SLC39A1: variants seen among roughly 807,000 people sequenced by gnomAD.
The protein encoded by SLC39A1 is solute carrier family 39 member 1, also known as zinc transporter ZIP1.
Under a neutral mutation model 21.4 loss-of-function variants are expected in SLC39A1, and 17 were observed. The ratio of observed to expected loss-of-function variants is 0.79; its 90% CI spans 0.54 to 1.19. SLC39A1 has a LOEUF of 1.19. Ranked by LOEUF, SLC39A1 falls within the 50% of genes most tolerant of loss-of-function variation. SLC39A1 has a pLI of 0.00. For synonymous variants in SLC39A1, 183 were observed against 185.9 expected (o/e 0.98, Z 0.13); for missense variants, 343 against 399.8 (o/e 0.86, Z 1.21).
Position 153,960,656 on chromosome 1 carries a change from C to A in SLC39A1, c.417G>T (p.Pro139=). 6.2e-7 allele frequency: 1 copy of A among 1,614,166 alleles called. No homozygotes were observed. Among genetic ancestry groups the A allele is most frequent in the Admixed American group, 1.7e-5 (1 of 60,034 alleles). The part of the protein sequence containing the change: ...ITLAYKEQSG[P]SPLEETRALL... The stretch of plus-strand genomic sequence containing the variant: ...GAGCCCTTGTTTCCTCCAGAGGTGA[C>A]GGCCCTGACTGCTCCTTGTAAGCCA... Residue 139 remains proline, a synonymous_variant, in exon 4 of 4, where the codon CCG becomes CCT. Coordinates refer to ENST00000356205, the MANE Select transcript of SLC39A1 (RefSeq NM_001271958.2).
At chr1:153,962,463 C>T in intron 2 of SLC39A1, 66 bp downstream of exon 2, 1 of 1,578,714 alleles carries the variant, frequency 6.3e-7, no homozygotes, top group Non-Finnish European at 8.6e-7. Flanking sequence ...TGGTCACTCC[C>T]CGCCAGCCCC....
chr1:153,962,190 C>T (rs765829745), intron 3 of SLC39A1, 30 bp downstream of exon 3: 17 of 1,606,748 alleles, frequency 1.1e-5, no homozygotes, highest in South Asian at 8.8e-5. Context: ...ATTCCCCTCC[C>T]GCAAGTCACA....
In SLC39A1 at chr1:153,960,168, C is replaced by T; in HGVS notation, c.905G>A (p.Arg302Lys). Residue 302 changes from arginine (R) to lysine (K), a missense_variant, in exon 4 of 4, where the codon AGG (arginine) becomes AAG (lysine). Physicochemically the swap from Arg to Lys is conservative, Grantham distance 26 (BLOSUM62 2). Transcript: ENST00000356205. ...LPQELASSEQ[R>K]ILKVILLLAG... ...TAGGAGCAGAATGACCTTGAGGATC[C>T]TTTGCTCAGAACTGGCCAGCTCCTG... The T allele has an allele frequency of 6.2e-7, 1 of 1,614,226 alleles. No homozygotes were observed. Among genetic ancestry groups the T allele is most frequent in the Non-Finnish European group, 8.5e-7 (1 of 1,180,040 alleles).
chr1:153,962,678 C>A lies in SLC39A1; in HGVS notation c.38G>T (p.Arg13Leu). 6.2e-7 allele frequency: 1 copy of A among 1,608,750 alleles called. No homozygotes were observed. Among genetic ancestry groups the A allele is most frequent in the Non-Finnish European group, 8.5e-7 (1 of 1,177,770 alleles). Residue 13 changes from arginine (R) to leucine (L), a missense_variant, in exon 2 of 4, where the codon CGC becomes CTC. Coordinates refer to ENST00000356205, the MANE Select transcript of SLC39A1 (RefSeq NM_001271958.2). ...PWGEPELLVW[R>L]PEAVASEPPV... The stretch of plus-strand genomic sequence containing the variant: ...AGGCTCTGAAGCTACCGCCTCGGGG[C>A]GCCACACCAGGAGCTCTGGCTCTCC...
upstream of SLC39A1, among the ~76,000 whole-genome samples, chr1:153,966,351 A>C (rs1647783544): frequency 6.6e-6 from 1 of 152,222 alleles, no homozygotes; most frequent in Non-Finnish European, 1.5e-5. Flanking sequence ...AAGTTACTTA[A>C]ACTTGTCAGC....
rs1647536543 is a variant in SLC39A1 at position 153,962,590 on chromosome 1, G to A, written c.126C>T (p.Leu42=). ...CACAGATGGGCACCAGGCTGCAGAG[G>A]AGGGTGAGCACCAGCAGCAGCACCA... ...GALVLLLVLT[L]LCSLVPICVL... Residue 42 remains leucine (L), a synonymous_variant, in exon 2 of 4, where the codon CTC becomes CTT. Transcript: ENST00000356205. The A allele has an allele frequency of 1.9e-6, 3 of 1,613,794 alleles. No homozygotes were observed. Among genetic ancestry groups the A allele is most frequent in the African/African-American group, 1.3e-5 (1 of 75,056 alleles).
Position 153,960,316 on chromosome 1 carries a change from C to CT in SLC39A1, c.756dup (p.Gly253ArgfsTer48). ...GCCAGAGCTGCACCCAGCCCGATGC[C>CT]TAGAGGTGTCATGCATGAGAAGAGG... is the stretch of plus-strand genomic sequence containing the variant. On this transcript the variant is annotated frameshift_variant, in exon 4 of 4. Transcript: ENST00000356205. LOFTEE classifies it high-confidence loss of function. 1 of 1,614,072 alleles carries CT rather than the reference C, an allele frequency of 6.2e-7. No individual in the cohort carries two copies. The highest frequency in any genetic ancestry group is 2.2e-5 in the East Asian group (1 of 44,892).
At chr1:153,967,425 C>G (rs1440073344), upstream of SLC39A1, 3 of 152,040 alleles carry the variant, frequency 2.0e-5, no homozygotes, top group Non-Finnish European at 4.4e-5. Flanking sequence ...TCCCAGCTTC[C>G]CGGCGATTCA....
intron 3 of SLC39A1, among the ~76,000 whole-genome samples, chr1:153,961,002 G>T (rs955444168): frequency 6.6e-6 from 1 of 152,206 alleles, no homozygotes; most frequent in African/African-American, 2.4e-5. Flanking sequence ...GGGGCCAGGG[G>T]CAGTGGCTCA....
Position 153,959,544 on chromosome 1 carries a change from C to T in SLC39A1, c.*554G>A, listed in dbSNP as rs979773561. The T allele has an allele frequency of 1.4e-5, 5 of 352,806 alleles. No individual in the cohort carries two copies. The highest frequency in any genetic ancestry group is 8.4e-5 in the African/African-American group (4 of 47,748). 21.9% of individuals were successfully genotyped at this position (352,806 alleles called of 1,614,324 possible). A position where few individuals can be genotyped will look rare whatever the true frequency, so the allele number is the denominator to read the frequency against. On this transcript the variant is annotated 3_prime_UTR_variant, in exon 4 of 4. Coordinates refer to ENST00000356205, the MANE Select transcript of SLC39A1 (RefSeq NM_001271958.2). ...GGCACTTTAAAAATAGAGGAGTAAG[C>T]AGGACTGGAGAGGCCAGAGAAGATA...
Position 153,962,258 on chromosome 1 carries a change from C to T in SLC39A1, c.280G>A (p.Ala94Thr), listed in dbSNP as rs898345164. The change falls in exon 3 of 4, where the codon GCT becomes ACT. Residue 94 changes from alanine (A) to threonine (T), a missense_variant. Transcript: ENST00000356205. The stretch of plus-strand genomic sequence containing the variant: ...GCTGCCAGGGCCTCATCTATGGCAG[C>T]CAGGTAGTCAGGCAGCAGGTCCAGG... ...CLLDLLPDYL[A>T]AIDEALAALH... 1.1e-5 allele frequency: 17 copies of T among 1,614,106 alleles called. No individual in the cohort carries two copies. The highest frequency in any genetic ancestry group is 1.4e-5 in the Non-Finnish European group (17 of 1,180,000).
chr1:153,964,801 G>T (rs554996634), upstream of SLC39A1: 2 of 152,350 alleles, frequency 1.3e-5, no homozygotes, highest in African/African-American at 4.8e-5. Context: ...TTAGCCGGGC[G>T]TGGTGGCGGG....
chr1:153,960,197 C>T lies in SLC39A1; in HGVS notation c.876G>A (p.Leu292=). The T allele has an allele frequency of 6.2e-7, 1 of 1,614,260 alleles. No homozygotes were observed. Among genetic ancestry groups the T allele is most frequent in the Non-Finnish European group, 8.5e-7 (1 of 1,180,054 alleles). The change falls in exon 4 of 4, where the codon CTG becomes CTA. Residue 292 remains leucine, a synonymous_variant. Transcript: ENST00000356205. ...TFLYITFLEI[L]PQELASSEQR... ...GCTCAGAACTGGCCAGCTCCTGGGG[C>T]AGGATTTCCAGAAAGGTGATATAGA...
chr1:153,960,420 T>C lies in SLC39A1; in HGVS notation c.653A>G (p.Lys218Arg). The stretch of plus-strand genomic sequence containing the variant: ...GGACAGGCTGACAGCCAGGATGCCC[T>C]TGTGGAGCAGCAAAGCCAGGCACAG... ...MELCLALLLH[K>R]GILAVSLSLR... Residue 218 changes from lysine to arginine, a missense_variant, in exon 4 of 4, where the codon AAG (lysine) becomes AGG (arginine). Physicochemically the swap from Lys to Arg is conservative, Grantham distance 26. Coordinates refer to ENST00000356205, the MANE Select transcript of SLC39A1 (RefSeq NM_001271958.2). The C allele has an allele frequency of 6.2e-7, 1 of 1,613,992 alleles. No individual in the cohort carries two copies. Among genetic ancestry groups the C allele is most frequent in the South Asian group, 1.1e-5 (1 of 91,084 alleles).
chr1:153,967,160 T>C (rs1647839351), upstream of SLC39A1, among the ~76,000 whole-genome samples: 1 of 152,260 alleles, frequency 6.6e-6, no homozygotes, highest in Admixed American at 6.5e-5. Context: ...GTTGCAGTTT[T>C]CCTGCCCCGT....
chr1:153,963,472 G>C (rs966458464), intron 1 of SLC39A1, 23 bp downstream of exon 1: 1 of 152,320 alleles, frequency 6.6e-6, no homozygotes, highest in East Asian at 1.9e-4. Flanking sequence ...CATGGACCCC[G>C]CTGCCAGACA....
At position 153,960,631 on chromosome 1, in the gene SLC39A1, G is replaced by C; in HGVS notation, c.442C>G (p.Leu148Val). Residue 148 changes from leucine (L) to valine (V), a missense_variant, in exon 4 of 4, where the codon CTG becomes GTG. Leu to Val is a conservative substitution (Grantham distance 32). Coordinates refer to ENST00000356205, the MANE Select transcript of SLC39A1 (RefSeq NM_001271958.2). ...GPSPLEETRALLGTVNGGPQH... is the reference protein window; with the variant it reads ...GPSPLEETRAVLGTVNGGPQH... ...GGCCCACCATTCACTGTTCCCAGCAGAGCCCTTGTTTCCTCCAGAGGTGAC... is the reference window on the plus strand; with the variant it reads ...GGCCCACCATTCACTGTTCCCAGCACAGCCCTTGTTTCCTCCAGAGGTGAC... The C allele has an allele frequency of 6.2e-7, 1 of 1,614,254 alleles. No homozygotes were observed. The highest frequency in any genetic ancestry group is 8.5e-7 in the Non-Finnish European group (1 of 1,180,054).
intron 3 of SLC39A1, among the ~76,000 whole-genome samples, chr1:153,961,564 TACTC>T (rs1466301996): frequency 1.3e-5 from 2 of 152,282 alleles, no homozygotes; most frequent in East Asian, 3.9e-4. Flanking sequence ...TCTCCCCAAA[TACTC>T]ATACATAGAG....
At position 153,960,062 on chromosome 1, in the gene SLC39A1, G is replaced by T. The variant is rs1553210545; in HGVS notation, c.*36C>A. ...GAGGGAAGGGAGAACAGGGGCACCT[G>T]ATCATCAATCTCCCCTGCCCCTCTC... On this transcript the variant is annotated 3_prime_UTR_variant, in exon 4 of 4. Coordinates refer to ENST00000356205, the MANE Select transcript of SLC39A1 (RefSeq NM_001271958.2). 1.3e-6 allele frequency: 2 copies of T among 1,549,634 alleles called. No homozygotes were observed. Among genetic ancestry groups the T allele is most frequent in the South Asian group, 2.5e-5 (2 of 81,574 alleles).
Sources: gnomAD v4.1 joint callset for allele counts (sites outside exome capture counted in the v4.1 genomes callset) on GRCh38, gnomAD v4.1.1 for gene constraint, MANE v1.5 for transcripts, NCBI Gene and HGNC (gene_info 2026-07-23, HGNC 2026-07-21) for gene names.